Variants in SMOC2 observed in about 807,000 individuals in gnomAD.
SMOC2 encodes the protein SPARC-related modular calcium-binding protein 2.
Under a neutral mutation model 61.4 loss-of-function variants are expected in SMOC2, and 39 were observed. The ratio of observed to expected loss-of-function variants is 0.64; its 90% CI spans 0.49 to 0.83. SMOC2 has a LOEUF of 0.83. Ranked by LOEUF, SMOC2 falls within the 40% of genes least tolerant of loss-of-function variation. The probability of loss-of-function intolerance (pLI) is 0.00; values close to 1 mark genes in which losing one functional copy is unlikely to be tolerated. For synonymous variants in SMOC2, 247 were observed against 239.9 expected (o/e 1.03, Z -0.27); for missense variants, 556 against 592.9 (o/e 0.94, Z 0.65).
At chr6:168,520,682 A>G (rs1783309823) in intron 2 of SMOC2, among the ~76,000 whole-genome samples, 1 of 152,260 alleles carries the variant, frequency 6.6e-6, no homozygotes, top group African/African-American at 2.4e-5. Context: ...TGCAGTAGGA[A>G]GCTGAGTGGC....
chr6:168,633,975 T>G (rs1262319353), intron 9 of SMOC2, among the ~76,000 whole-genome samples: 1 of 152,122 alleles, frequency 6.6e-6, no homozygotes, highest in Non-Finnish European at 1.5e-5. Flanking sequence ...AAGGGGATAT[T>G]CCCCCTTCAC....
At chr6:168,623,816 A>T (rs1454044733) in intron 9 of SMOC2, among the ~76,000 whole-genome samples, 1 of 152,132 alleles carries the variant, frequency 6.6e-6, no homozygotes, top group African/African-American at 2.4e-5. Context: ...AGCCTCCGGG[A>T]CAGTGATTCA....
At chr6:168,584,492 A>G (rs1784999365) in intron 7 of SMOC2, among the ~76,000 whole-genome samples, 1 of 152,068 alleles carries the variant, frequency 6.6e-6, no homozygotes, top group South Asian at 2.1e-4. Flanking sequence ...TAGTGGTAAG[A>G]GGTCTCTGTT....
At chr6:168,610,927 CCTT>C (rs1785842086) in intron 9 of SMOC2, among the ~76,000 whole-genome samples, 1 of 152,358 alleles carries the variant, frequency 6.6e-6, no homozygotes, top group East Asian at 1.9e-4. Flanking sequence ...CAAAACCACA[CCTT>C]CTTAAACCAC....
At chr6:168,568,524 A>G (rs759083686) in intron 7 of SMOC2, among the ~76,000 whole-genome samples, 2 of 152,142 alleles carry the variant, frequency 1.3e-5, no homozygotes, top group African/African-American at 2.4e-5. Flanking sequence ...TGGACATTCT[A>G]TGAGTCATGA....
chr6:168,491,851 A>G (rs899942869), intron 1 of SMOC2, among the ~76,000 whole-genome samples: 1 of 152,200 alleles, frequency 6.6e-6, no homozygotes, highest in Non-Finnish European at 1.5e-5. Context: ...TGGAGAGTGA[A>G]CTGTGCTGTT....
intron 4 of SMOC2, among the ~76,000 whole-genome samples, chr6:168,537,698 G>A (rs1783765500): frequency 6.6e-6 from 1 of 152,224 alleles, no homozygotes; most frequent in African/African-American, 2.4e-5. Flanking sequence ...GGGGCCGAGA[G>A]ACATATGCCC....
intron 8 of SMOC2, 25 bp downstream of exon 8, chr6:168,599,029 C>A (rs752600933): frequency 1.3e-6 from 2 of 1,551,048 alleles, no homozygotes; most frequent in African/African-American, 2.7e-5. Flanking sequence ...CCCACCCCCC[C>A]CGGGACCATG....
chr6:168,559,165 GT>G (rs1320964899), intron 7 of SMOC2, among the ~76,000 whole-genome samples: 1 of 152,172 alleles, frequency 6.6e-6, no homozygotes, highest in Admixed American at 6.6e-5. Context: ...CTTAAGAATA[GT>G]AATTTAGGGC....
Position 168,521,624 on chromosome 6 carries a change from C to T in SMOC2, c.257-4722C>T, listed in dbSNP as rs182872487. On this transcript the variant is annotated intron_variant, in intron 2 of 12. Transcript: ENST00000356284. ...TCTGTTAGGGCTAGGCGTGGGGGCT[C>T]ATGCCTGTAATCCCAGCATTCTGGG... 3.2e-4 allele frequency among the ~76,000 whole-genome samples: 49 copies of T among 152,320 alleles called. 1 individual carries two copies. The South Asian group carries it at 3.5e-3, about 11-fold the overall frequency.
intron 2 of SMOC2, among the ~76,000 whole-genome samples, chr6:168,517,017 A>G (rs1783154633): frequency 6.6e-6 from 1 of 152,194 alleles, no homozygotes; most frequent in African/African-American, 2.4e-5. Context: ...GAACCCCTGG[A>G]GTGATACACG....
intron 11 of SMOC2, among the ~76,000 whole-genome samples, chr6:168,659,711 AG>A (rs1562410930): frequency 1.7e-3 from 125 of 75,612 alleles, no homozygotes; most frequent in South Asian, 2.0e-3. Flanking sequence ...TGGAGGTTGT[AG>A]GCTGAGTGAG....
intron 9 of SMOC2, among the ~76,000 whole-genome samples, chr6:168,639,912 A>G (rs1786848527): frequency 6.6e-6 from 1 of 152,166 alleles, no homozygotes. Context: ...CAGCCTCCTG[A>G]GAGGGAGCCC....
intron 7 of SMOC2, among the ~76,000 whole-genome samples, chr6:168,587,714 T>C (rs1785075349): frequency 6.6e-6 from 1 of 152,202 alleles, no homozygotes; most frequent in African/African-American, 2.4e-5. Context: ...CCTTGGTCCA[T>C]GGGAATTTCC....
chr6:168,543,555 T>C, intron 4 of SMOC2, 70 bp from the exon 5 acceptor site: 1 of 1,371,194 alleles, frequency 7.3e-7, no homozygotes, highest in Non-Finnish European at 1.0e-6. Context: ...AATATGTGCA[T>C]AACTTAATTT....
intron 7 of SMOC2, among the ~76,000 whole-genome samples, chr6:168,572,967 G>A (rs1211007652): frequency 2.1e-5 from 2 of 96,386 alleles, no homozygotes; most frequent in Non-Finnish European, 3.9e-5. Context: ...CTCCTTGGAC[G>A]CGATGCTCAT....
chr6:168,496,228 C>A (rs1782586468), intron 1 of SMOC2, among the ~76,000 whole-genome samples: 1 of 152,106 alleles, frequency 6.6e-6, no homozygotes, highest in African/African-American at 2.4e-5. Flanking sequence ...GTTTCTTGGG[C>A]ATTTTGTGGA....
chr6:168,595,980 G>C (rs1785321273), intron 7 of SMOC2, among the ~76,000 whole-genome samples: 1 of 152,260 alleles, frequency 6.6e-6, no homozygotes, highest in African/African-American at 2.4e-5. Context: ...TAAAATTTCT[G>C]AAGAAGCGCT....
intron 2 of SMOC2, among the ~76,000 whole-genome samples, chr6:168,521,832 A>G (rs1583077401): frequency 6.6e-6 from 1 of 152,176 alleles, no homozygotes. Flanking sequence ...CCGTGATGGC[A>G]CCACTGCCCT....
Sources: allele counts gnomAD v4.1 joint callset (sites outside exome capture counted in the v4.1 genomes callset), GRCh38; gene constraint gnomAD v4.1.1; transcripts MANE v1.5; gene names NCBI Gene and HGNC (gene_info 2026-07-23, HGNC 2026-07-21).